The following ZRANB3 variants were observed in gnomAD, a reference collection of about 807,000 sequenced individuals.
ZRANB3 encodes the protein DNA annealing helicase and endonuclease ZRANB3.
In ZRANB3, 125 loss-of-function variants were observed where a neutral mutation model predicts 133.8. That is an observed-to-expected ratio of 0.93 (90% CI 0.81 to 1.08). The LOEUF (loss-of-function observed/expected upper bound fraction) is 1.08. Among genes scored for constraint, ZRANB3 ranks in the 50% least tolerant of loss-of-function variants. The pLI is 0.00. For missense variants in ZRANB3, 1,229 were observed against 1,275.5 expected, an observed-to-expected ratio of 0.96 and a Z score of 0.56; for synonymous variants, 387 against 432.7, an observed-to-expected ratio of 0.89 and a Z score of 1.31.
At chr2:135,353,394 T>C in intron 4 of ZRANB3, 56 bp downstream of exon 4, 5 of 1,262,960 alleles carry the variant, frequency 4.0e-6, no homozygotes, top group Admixed American at 2.5e-5. Flanking sequence ...CATGAATATA[T>C]ACCAGGTACA....
chr2:135,324,164 T>C (rs1272816238), intron 6 of ZRANB3, among the ~76,000 whole-genome samples: 1 of 151,984 alleles, frequency 6.6e-6, no homozygotes, highest in African/African-American at 2.4e-5. Flanking sequence ...ATGTGCCATG[T>C]TGGTGTGCTG....
At chr2:135,291,243 C>A (rs1049164602) in intron 8 of ZRANB3, among the ~76,000 whole-genome samples, 4 of 151,896 alleles carry the variant, frequency 2.6e-5, no homozygotes, top group African/African-American at 9.7e-5. Flanking sequence ...AGTGCAGTGG[C>A]ATGATCTTGG....
At chr2:135,438,236 T>C (rs758884055) in intron 2 of ZRANB3, among the ~76,000 whole-genome samples, 2 of 152,076 alleles carry the variant, frequency 1.3e-5, no homozygotes, top group African/African-American at 2.4e-5. Context: ...TGGAAAGCAA[T>C]ATTTTCATGT....
intron 8 of ZRANB3, among the ~76,000 whole-genome samples, chr2:135,280,728 T>C (rs896865172): frequency 6.6e-6 from 1 of 152,182 alleles, no homozygotes; most frequent in African/African-American, 2.4e-5. Flanking sequence ...TTTCAAATTG[T>C]TGGCTTTTAA....
At chr2:135,242,628 G>A (rs1329089019) in intron 12 of ZRANB3, among the ~76,000 whole-genome samples, 1 of 151,890 alleles carries the variant, frequency 6.6e-6, no homozygotes, top group Non-Finnish European at 1.5e-5. Flanking sequence ...GTGTCCTTCC[G>A]TCCTGGGAAG....
chr2:135,345,939 C>T (rs894210483), intron 5 of ZRANB3, among the ~76,000 whole-genome samples: 1 of 152,134 alleles, frequency 6.6e-6, no homozygotes, highest in African/African-American at 2.4e-5. Flanking sequence ...ACTTAAATTA[C>T]ACGTGTCTAT....
At chr2:135,353,826 C>A (rs1307113833) in intron 3 of ZRANB3, among the ~76,000 whole-genome samples, 198 bp from the exon 4 acceptor site, 4 of 151,876 alleles carry the variant, frequency 2.6e-5, no homozygotes, top group Non-Finnish European at 5.9e-5. Flanking sequence ...CATGGTGAAA[C>A]CCTGTCTCTA....
chr2:135,316,443 C>G (rs1224494018), intron 6 of ZRANB3, among the ~76,000 whole-genome samples: 2 of 152,120 alleles, frequency 1.3e-5, no homozygotes, highest in Admixed American at 1.3e-4. Flanking sequence ...GGGGTCCATA[C>G]TACCCACTAC....
At chr2:135,287,155 G>A (rs1030513040) in intron 8 of ZRANB3, among the ~76,000 whole-genome samples, 9 of 152,152 alleles carry the variant, frequency 5.9e-5, no homozygotes, top group Non-Finnish European at 4.4e-5. Flanking sequence ...AATTATCCCA[G>A]CACCATTTAT....
Position 135,301,042 on chromosome 2 carries a change from C to G in ZRANB3, c.966+12447G>C, listed in dbSNP as rs113677419. Among the ~76,000 whole-genome samples the G allele has an allele frequency of 3.0e-3, 451 of 152,194 alleles. 3 individuals are homozygous for G. The highest frequency in any genetic ancestry group is 0.01 in the African/African-American group (420 of 41,532). Reference sequence around the variant, plus strand: ...GAGAAGAGGAATTCCTCCTCTTCTTCCTCTGTCACCCAGGCTAGAATGCAG... The same window carrying G: ...GAGAAGAGGAATTCCTCCTCTTCTTGCTCTGTCACCCAGGCTAGAATGCAG... On this transcript the variant is annotated intron_variant, in intron 8 of 20. Coordinates refer to ENST00000264159, the MANE Select transcript of ZRANB3 (RefSeq NM_032143.4).
At chr2:135,418,122 C>G (rs7577202) in intron 2 of ZRANB3, among the ~76,000 whole-genome samples, 40,715 of 151,818 alleles carry the variant, frequency 0.27, 9,146 homozygotes, top group African/African-American at 0.6. Flanking sequence ...ATAATAAAAA[C>G]AAACAACAAA....
intron 2 of ZRANB3, among the ~76,000 whole-genome samples, chr2:135,394,763 T>G (rs1419000724): frequency 1.3e-5 from 2 of 151,612 alleles, no homozygotes; most frequent in African/African-American, 2.4e-5. Flanking sequence ...ACTACAACAA[T>G]GAGAAGTCAA....
intron 6 of ZRANB3, among the ~76,000 whole-genome samples, chr2:135,316,910 G>C (rs944912471): frequency 1.1e-4 from 16 of 149,294 alleles, no homozygotes; most frequent in Admixed American, 9.5e-4. Flanking sequence ...AGGTTGCAGT[G>C]AGCCGAGATC....
intron 2 of ZRANB3, among the ~76,000 whole-genome samples, chr2:135,468,982 G>A (rs570226421): frequency 1.1e-4 from 17 of 152,136 alleles, no homozygotes; most frequent in South Asian, 1.0e-3. Flanking sequence ...AACCATACAC[G>A]TTAAAGTATT....
chr2:135,367,082 T>C (rs1347363501), intron 3 of ZRANB3, among the ~76,000 whole-genome samples: 1 of 152,124 alleles, frequency 6.6e-6, no homozygotes, highest in Admixed American at 6.5e-5. Context: ...ATTTTTACTC[T>C]AAAAACCACT....
chr2:135,315,269 C>A, intron 7 of ZRANB3, 90 bp downstream of exon 7: 1 of 1,219,106 alleles, frequency 8.2e-7, no homozygotes, highest in East Asian at 3.1e-5. Context: ...GCAAACCTTT[C>A]CTTCTGTGAA....
At chr2:135,340,945 ATATTCT>A (rs916508736) in intron 6 of ZRANB3, among the ~76,000 whole-genome samples, 1 of 149,962 alleles carries the variant, frequency 6.7e-6, no homozygotes, top group African/African-American at 2.5e-5. Flanking sequence ...TCCTTTAGTA[ATATTCT>A]TGAGTCTTAT....
intron 1 of ZRANB3, among the ~76,000 whole-genome samples, chr2:135,505,209 T>C (rs1345990116): frequency 6.6e-6 from 1 of 152,128 alleles, no homozygotes; most frequent in Non-Finnish European, 1.5e-5. Context: ...TACACTATAA[T>C]GCCTATCAAA....
At chr2:135,495,960 A>G (rs948638288) in intron 2 of ZRANB3, among the ~76,000 whole-genome samples, 1 of 152,238 alleles carries the variant, frequency 6.6e-6, no homozygotes, top group Non-Finnish European at 1.5e-5. Flanking sequence ...AATTCATAAT[A>G]GTAAGCCTAC....
Sources: gnomAD v4.1 joint callset for allele counts (sites outside exome capture counted in the v4.1 genomes callset) on GRCh38, gnomAD v4.1.1 for gene constraint, MANE v1.5 for transcripts, NCBI Gene and HGNC (gene_info 2026-07-23, HGNC 2026-07-21) for gene names.